Variants in UBN1 observed in about 807,000 individuals in gnomAD.
UBN1 encodes the protein ubinuclein-1.
Under a neutral mutation model 108.5 loss-of-function variants are expected in UBN1, and 17 were observed. That is an observed-to-expected ratio of 0.16 (90% CI 0.11 to 0.24). The LOEUF (loss-of-function observed/expected upper bound fraction) is 0.24. Among genes scored for constraint, UBN1 ranks in the 10% least tolerant of loss-of-function variants. The pLI, the probability that UBN1 is intolerant of heterozygous loss-of-function variation, is 1.00. For missense variants in UBN1, 1,595 were observed against 1,394.4 expected, an observed-to-expected ratio of 1.14 and a Z score of -2.29; for synonymous variants, 726 against 564.2, an observed-to-expected ratio of 1.29 and a Z score of -4.07.
At chr16:4,871,401 T>C in intron 12 of UBN1, 100 bp downstream of exon 12, 1 of 1,500,158 alleles carries the variant, frequency 6.7e-7, no homozygotes, top group South Asian at 1.3e-5. Flanking sequence ...AGGGAGTCAC[T>C]GTCTAGCTGC....
At chr16:4,849,949 C>CAAAAAAAAAAAAAA (rs751842571) in intron 1 of UBN1, among the ~76,000 whole-genome samples, 19 of 72,152 alleles carry the variant, frequency 2.6e-4, no homozygotes, top group African/African-American at 7.7e-4. Context: ...AACTGTCTCA[C>CAAAAAAAAAAAAAA]AAAAAAAAAA....
rs375425399 is a variant in UBN1 at position 4,875,181 on chromosome 16, C to T, written c.2771C>T (p.Pro924Leu). The T allele has an allele frequency of 5.0e-6, 8 of 1,614,126 alleles. No homozygotes were observed. The highest frequency in any genetic ancestry group is 4.0e-5 in the African/African-American group (3 of 74,950). ...GGCAGCTCTTCCTCGGGAGGAACAC[C>T]AGTCCAGAGTTCTGTTTCTGGGAGC... is the stretch of plus-strand genomic sequence containing the variant. ...SSGSSSSGGTPVQSSVSGSLV... is the reference protein window; with the variant it reads ...SSGSSSSGGTLVQSSVSGSLV... Residue 924 changes from proline to leucine, a missense_variant, in exon 15 of 18, where the codon CCA becomes CTA. Around this residue, in one of 3 missense-constraint regions of UBN1, gnomAD observed 1,398 missense variants for 1,194.7 expected, o/e 1.17. Coordinates refer to ENST00000262376, the MANE Select transcript of UBN1 (RefSeq NM_001079514.3).
chr16:4,847,544 G>A lies in UBN1; in HGVS notation c.-706G>A, dbSNP rs2086253985. ...GCCCGCGGTCTGAGGCGGCGGCGGC[G>A]GCGACGGTGCGACCGGCTGAGCGCG... is the stretch of plus-strand genomic sequence containing the variant. On this transcript the variant is annotated 5_prime_UTR_variant, in exon 1 of 18. Coordinates refer to ENST00000262376, the MANE Select transcript of UBN1 (RefSeq NM_001079514.3). 4.4e-6 allele frequency: 2 copies of A among 454,842 alleles called. No homozygotes were observed. The highest frequency in any genetic ancestry group is 2.9e-5 in the South Asian group (1 of 34,224). 28.2% of individuals were successfully genotyped at this position (454,842 alleles called of 1,614,324 possible).
At chr16:4,852,834 T>G in intron 1 of UBN1, 45 bp from the exon 2 acceptor site, 1 of 1,493,122 alleles carries the variant, frequency 6.7e-7, no homozygotes. Flanking sequence ...GGTAAACTAT[T>G]TTATCATCTT....
chr16:4,855,023 G>A (rs773809062), intron 2 of UBN1, among the ~76,000 whole-genome samples: 2 of 152,066 alleles, frequency 1.3e-5, no homozygotes, highest in East Asian at 1.9e-4. Context: ...TGCCTGGCCC[G>A]TGAAAAGCAT....
chr16:4,873,138 C>CA, intron 14 of UBN1, 65 bp downstream of exon 14: 1 of 1,601,920 alleles, frequency 6.2e-7, no homozygotes, highest in Non-Finnish European at 8.6e-7. Flanking sequence ...GCTCTGGAAA[C>CA]AGTCAAGTGA....
Position 4,871,150 on chromosome 16 carries a change from C to A in UBN1, c.1560-5C>A. ...TGGAGTTTCTGATTTCTGCCTCCTT[C>A]TCAGGGAGCTACTGTGCCAGGTGGT... On this transcript the variant is annotated splice_polypyrimidine_tract_variant and splice_region_variant and intron_variant, in intron 11 of 17. Coordinates refer to ENST00000262376, the MANE Select transcript of UBN1 (RefSeq NM_001079514.3). 1 of 1,613,738 alleles carries A rather than the reference C, an allele frequency of 6.2e-7. No individual in the cohort carries two copies. The highest frequency in any genetic ancestry group is 8.5e-7 in the Non-Finnish European group (1 of 1,179,900).
chr16:4,880,363 C>T lies in UBN1; in HGVS notation c.*231C>T, dbSNP rs570886143. The T allele has an allele frequency of 7.2e-5, 38 of 525,378 alleles. 2 individuals are homozygous for T. The highest frequency in any genetic ancestry group is 1.1e-3 in the Middle Eastern group (2 of 1,890). The allele number at this position is 525,378 out of a possible 1,614,324, so 32.5% of individuals were successfully genotyped here. A position where few individuals can be genotyped will look rare whatever the true frequency, so the allele number is the denominator to read the frequency against. ...CGTGCTCTGGGCCTTGCAGCTCTGT[C>T]GCTAGACGGTTGTTAGAGGGGCAGC... On this transcript the variant is annotated 3_prime_UTR_variant, in exon 18 of 18. Coordinates refer to ENST00000262376, the MANE Select transcript of UBN1 (RefSeq NM_001079514.3).
At chr16:4,860,107 A>C (rs1183539488) in intron 6 of UBN1, 139 bp downstream of exon 6, 1 of 1,030,160 alleles carries the variant, frequency 9.7e-7, no homozygotes, top group South Asian at 1.6e-5. Flanking sequence ...CGCCTCCCGC[A>C]GTGCCATTCT....
chr16:4,872,449 T>G (rs12102426), intron 12 of UBN1: 129,590 of 258,632 alleles, frequency 0.5, 28,108 homozygotes, highest in South Asian at 0.59. Flanking sequence ...CCTTTTTTTT[T>G]GTGTGTGTGG....
chr16:4,870,586 C>G lies in UBN1; in HGVS notation c.1382C>G (p.Ala461Gly), dbSNP rs761866770. The part of the protein sequence containing the change: ...AIGRAMPEQM[A>G]KYQDECQAHT... ...GGCAGGGCGATGCCAGAGCAGATGG[C>G]CAAGTACCAGGACGAATGCCAGGCA... Residue 461 changes from alanine to glycine, a missense_variant, in exon 10 of 18, where the codon GCC (alanine) becomes GGC (glycine). Physicochemically the swap from Ala to Gly is moderately conservative, Grantham distance 60. Transcript: ENST00000262376. The G allele has an allele frequency of 3.1e-6, 5 of 1,614,196 alleles. No individual in the cohort carries two copies. The Admixed American group carries it at 6.7e-5, about 22-fold the overall frequency.
intron 7 of UBN1, among the ~76,000 whole-genome samples, chr16:4,864,225 T>TA (rs1205677860): frequency 6.6e-6 from 1 of 152,184 alleles, no homozygotes; most frequent in Admixed American, 6.5e-5. Context: ...TAGCTGGGAT[T>TA]ACAGGCGTGA....
In UBN1 at chr16:4,880,308, C is replaced by T; in HGVS notation, c.*176C>T. On this transcript the variant is annotated 3_prime_UTR_variant, in exon 18 of 18. Transcript: ENST00000262376. Reference sequence around the variant, plus strand: ...TGTGCCTCCCATGGAGGGAGCCGGGCCCTTGCTGCTCAGGAGGTGCAGACT... The same window carrying T: ...TGTGCCTCCCATGGAGGGAGCCGGGTCCTTGCTGCTCAGGAGGTGCAGACT... 1.5e-6 allele frequency: 1 copy of T among 680,934 alleles called. No homozygotes were observed. Among genetic ancestry groups the T allele is most frequent in the Non-Finnish European group, 2.5e-6 (1 of 395,562 alleles). The allele number at this position is 680,934 out of a possible 1,614,324, so 42.2% of individuals were successfully genotyped here.
rs747862490 is a variant in UBN1, at chr16:4,853,037, G to A, written c.120G>A (p.Pro40=). The change falls in exon 2 of 18, where the codon CCG becomes CCA. Residue 40 remains proline (P), a synonymous_variant. Coordinates refer to ENST00000262376, the MANE Select transcript of UBN1 (RefSeq NM_001079514.3). Reference sequence around the variant, plus strand: ...GAGAACAGCATCAGGACTGTGAGCCGGCTGCAGCAGCTGTTCGGATTACAC... The same window carrying A: ...GAGAACAGCATCAGGACTGTGAGCCAGCTGCAGCAGCTGTTCGGATTACAC... The part of the protein sequence containing the change: ...GAGEQHQDCE[P]AAAAVRITLT... 10 of 1,614,218 alleles carry A rather than the reference G, an allele frequency of 6.2e-6. No homozygotes were observed. Among genetic ancestry groups the A allele is most frequent in the Admixed American group, 5.0e-5 (3 of 60,026 alleles).
At chr16:4,851,238 A>G (rs1196442471) in intron 1 of UBN1, among the ~76,000 whole-genome samples, 2 of 152,226 alleles carry the variant, frequency 1.3e-5, no homozygotes, top group African/African-American at 4.8e-5. Flanking sequence ...TCAGTGGCTC[A>G]CACCTGTAAT....
chr16:4,871,390 C>G, intron 12 of UBN1, 89 bp downstream of exon 12: 11 of 1,526,124 alleles, frequency 7.2e-6, no homozygotes, highest in Non-Finnish European at 9.7e-6. Context: ...TCCTTGCTCA[C>G]AGGGAGTCAC....
In UBN1 at chr16:4,859,891, G is replaced by C; in HGVS notation, c.594G>C (p.Glu198Asp). 1 of 1,614,118 alleles carries C rather than the reference G, an allele frequency of 6.2e-7. No homozygotes were observed. Among genetic ancestry groups the C allele is most frequent in the Non-Finnish European group, 8.5e-7 (1 of 1,180,012 alleles). The change falls in exon 6 of 18, where the codon GAG becomes GAC. Residue 198 changes from glutamate to aspartate, a missense_variant. Physicochemically the swap from Glu to Asp is conservative, Grantham distance 45. Coordinates refer to ENST00000262376, the MANE Select transcript of UBN1 (RefSeq NM_001079514.3). ...AGCGGAAGTTGAAGGAAGGTGGTGA[G>C]AAGATAAAGAAGAAGAAAAAAGATG... Reference protein sequence around the residue: ...PKKRKLKEGGEKIKKKKKDDT... With the variant: ...PKKRKLKEGGDKIKKKKKDDT...
intron 7 of UBN1, among the ~76,000 whole-genome samples, chr16:4,867,748 G>A (rs910421736): frequency 6.6e-6 from 1 of 152,156 alleles, no homozygotes; most frequent in African/African-American, 2.4e-5. Flanking sequence ...AGAGGATGCA[G>A]TGAGAGGAAG....
chr16:4,877,296 T>G lies in UBN1; in HGVS notation c.3266-89T>G. The stretch of plus-strand genomic sequence containing the variant: ...GTGCCCAGACTGGCCTGGCAGGTTA[T>G]CGGGGGCTTTTGGCTGCTGGAGCTG... On this transcript the variant is annotated intron_variant, in intron 16 of 17. Coordinates refer to ENST00000262376, the MANE Select transcript of UBN1 (RefSeq NM_001079514.3). The surrounding 1 kb of genome is among the most constrained non-coding windows in gnomAD (Gnocchi z 4.3). The G allele has an allele frequency of 1.9e-6, 3 of 1,541,158 alleles. No individual in the cohort carries two copies. The South Asian group carries it at 3.7e-5, about 19-fold the overall frequency.
Sources: gnomAD v4.1 joint callset for allele counts (sites outside exome capture counted in the v4.1 genomes callset) on GRCh38, gnomAD v4.1.1 for gene constraint, gnomAD v4.1.1 regional missense constraint, Gnocchi (gnomAD v3.1) non-coding constraint, MANE v1.5 for transcripts, NCBI Gene and HGNC (gene_info 2026-07-23, HGNC 2026-07-21) for gene names.